RASAL2: variants seen among roughly 807,000 people sequenced by gnomAD.
The protein encoded by RASAL2 is ras GTPase-activating protein nGAP.
A neutral mutation model predicts 128.9 loss-of-function variants in RASAL2; 58 were observed. The observed-to-expected ratio is 0.45, with a 90% CI of 0.36 to 0.56. RASAL2 has a LOEUF of 0.56. RASAL2 is among the 20% of genes least tolerant of loss of function. The pLI, the probability that RASAL2 is intolerant of heterozygous loss-of-function variation, is 0.00. For missense variants in RASAL2, 1,360 were observed against 1,601.6 expected (o/e 0.85, Z 2.57); for synonymous variants, 561 against 580.8 (o/e 0.97, Z 0.49).
At chr1:178,109,483 C>G (rs1282279402) in intron 1 of RASAL2, among the ~76,000 whole-genome samples, 5 of 152,148 alleles carry the variant, frequency 3.3e-5, no homozygotes, top group Non-Finnish European at 5.9e-5. Flanking sequence ...CCTCTTGAGC[C>G]TGACTATACT....
chr1:178,153,397 T>A (rs866115060), intron 1 of RASAL2, among the ~76,000 whole-genome samples: 20 of 152,240 alleles, frequency 1.3e-4, no homozygotes, highest in African/African-American at 4.6e-4. Context: ...TTACAACTAT[T>A]ACAGCAATCT....
At chr1:178,135,095 G>A (rs1248585081) in intron 1 of RASAL2, among the ~76,000 whole-genome samples, 2 of 152,180 alleles carry the variant, frequency 1.3e-5, no homozygotes, top group Admixed American at 6.5e-5. Context: ...GGATAGTTTT[G>A]ATGCACATTT....
At chr1:178,122,549 A>G (rs1265274257) in intron 1 of RASAL2, among the ~76,000 whole-genome samples, 2 of 152,206 alleles carry the variant, frequency 1.3e-5, no homozygotes, top group Non-Finnish European at 2.9e-5. Flanking sequence ...GCATCCTAGA[A>G]CATCAACTTA....
rs1658593710 is a variant in RASAL2, at chr1:178,094,478, C to T, written c.-15C>T. The T allele has an allele frequency of 6.5e-7, 1 of 1,537,596 alleles. No individual in the cohort carries two copies. Among genetic ancestry groups the T allele is most frequent in the Non-Finnish European group, 8.8e-7 (1 of 1,141,880 alleles). On this transcript the variant is annotated 5_prime_UTR_variant, in exon 1 of 18. Transcript: ENST00000367649. ...CCGAAGCCGCCGCCTCGTCCCCCTC[C>T]CGCCTCGGGGCACCATGGAGCTCTC...
chr1:178,159,919 A>G (rs1390895849), intron 1 of RASAL2, among the ~76,000 whole-genome samples: 2 of 152,142 alleles, frequency 1.3e-5, no homozygotes, highest in African/African-American at 4.8e-5. Flanking sequence ...AAACAAACAA[A>G]CAAACAAAAA....
intron 1 of RASAL2, among the ~76,000 whole-genome samples, chr1:178,252,174 A>G (rs896518192): frequency 6.6e-6 from 1 of 152,158 alleles, no homozygotes; most frequent in Non-Finnish European, 1.5e-5. Context: ...TTTTATTTTA[A>G]AATTAATTCT....
At chr1:178,317,686 T>C (rs1228216480) in intron 3 of RASAL2, among the ~76,000 whole-genome samples, 85 of 148,014 alleles carry the variant, frequency 5.7e-4, no homozygotes, top group Non-Finnish European at 9.0e-5. Flanking sequence ...TCTCTCTTTT[T>C]TTCTTTATTA....
chr1:178,449,910 A>G (rs901771449), intron 9 of RASAL2, among the ~76,000 whole-genome samples: 1 of 152,118 alleles, frequency 6.6e-6, no homozygotes, highest in South Asian at 2.1e-4. Flanking sequence ...CCTTGAATAC[A>G]TATAACCTAA....
At chr1:178,257,471 G>A (rs749703036) in intron 1 of RASAL2, among the ~76,000 whole-genome samples, 76 of 144,718 alleles carry the variant, frequency 5.3e-4, no homozygotes, top group African/African-American at 1.9e-3. Context: ...ATAAAATCAA[G>A]TGTCTAATAA....
chr1:178,277,147 C>CAAAAAA, intron 1 of RASAL2, among the ~76,000 whole-genome samples: 2 of 55,114 alleles, frequency 3.6e-5, no homozygotes, highest in African/African-American at 6.9e-5. Context: ...GATTCCCTCT[C>CAAAAAA]AAAAAAAAAA....
At chr1:178,320,456 G>A (rs1455789833) in intron 3 of RASAL2, among the ~76,000 whole-genome samples, 15 of 152,286 alleles carry the variant, frequency 9.8e-5, no homozygotes, top group Middle Eastern at 3.4e-3. Flanking sequence ...CTCCGTGGGC[G>A]TAGGACCCTC....
chr1:178,141,205 T>TC (rs57032020), intron 1 of RASAL2, among the ~76,000 whole-genome samples: 14,714 of 139,918 alleles, frequency 0.11, 1,078 homozygotes, highest in African/African-American at 0.19. Context: ...TTTTTTTTTT[T>TC]TTTTTTTTTT....
chr1:178,464,831 GTTT>G (rs986789340), intron 15 of RASAL2, among the ~76,000 whole-genome samples: 3,732 of 37,814 alleles, frequency 0.099, 17 homozygotes, highest in Middle Eastern at 0.12. Flanking sequence ...GGTTTTAGTT[GTTT>G]TTTTTTTTTT....
chr1:178,405,259 G>A (rs1454492485), intron 4 of RASAL2, among the ~76,000 whole-genome samples: 2 of 152,186 alleles, frequency 1.3e-5, no homozygotes, highest in African/African-American at 4.8e-5. Flanking sequence ...TATTTATGCA[G>A]CATTGTTTTT....
At chr1:178,386,063 A>G (rs192464363) in intron 3 of RASAL2, among the ~76,000 whole-genome samples, 46 of 152,310 alleles carry the variant, frequency 3.0e-4, no homozygotes, top group African/African-American at 1.1e-3. Context: ...CTCCCTGGTA[A>G]GTGAACCAAA....
chr1:178,372,289 AC>A, intron 3 of RASAL2: 1 of 985,388 alleles, frequency 1.0e-6, no homozygotes, highest in African/African-American at 1.7e-5. Context: ...GGATAGTAGC[AC>A]CGAAGAAGAG....
chr1:178,186,226 T>G lies in RASAL2; in HGVS notation c.202+91532T>G, dbSNP rs56166025. Among the ~76,000 whole-genome samples, 850 of 147,434 alleles carry G rather than the reference T, an allele frequency of 5.8e-3. 11 individuals carry two copies. The highest frequency in any genetic ancestry group is 0.02 in the African/African-American group (797 of 40,436). On this transcript the variant is annotated intron_variant, in intron 1 of 17. Coordinates refer to ENST00000367649, the MANE Select transcript of RASAL2 (RefSeq NM_170692.4). ...GTGATCAGTAGTGATGACTTTTCTC[T>G]TTTTTTTTTTCTTCTGATACTGACA...
At chr1:178,423,716 G>T (rs1367306764) in intron 5 of RASAL2, among the ~76,000 whole-genome samples, 1 of 151,826 alleles carries the variant, frequency 6.6e-6, no homozygotes, top group African/African-American at 2.4e-5. Context: ...AGATGGGATG[G>T]GGGGGGATTT....
intron 9 of RASAL2, among the ~76,000 whole-genome samples, chr1:178,449,234 G>T (rs1677215751): frequency 6.6e-6 from 1 of 152,084 alleles, no homozygotes; most frequent in African/African-American, 2.4e-5. Flanking sequence ...ACTCTGCATT[G>T]TTTAGACTTG....
Sources: allele counts gnomAD v4.1 joint callset (sites outside exome capture counted in the v4.1 genomes callset), GRCh38; gene constraint gnomAD v4.1.1; transcripts MANE v1.5; gene names NCBI Gene and HGNC (gene_info 2026-07-23, HGNC 2026-07-21).